Variants in CDH18 observed in about 807,000 individuals in gnomAD.
CDH18 encodes the protein cadherin-18.
Under a neutral mutation model 67.9 loss-of-function variants are expected in CDH18, and 31 were observed. The observed-to-expected ratio is 0.46, with a 90% CI of 0.34 to 0.62. The LOEUF (loss-of-function observed/expected upper bound fraction) is 0.62, where lower values mean the gene tolerates loss of function less well. CDH18 is among the 20% of genes least tolerant of loss of function. The pLI, the probability that CDH18 is intolerant of heterozygous loss-of-function variation, is 0.01. For missense variants in CDH18, 890 were observed against 975.5 expected (o/e 0.91, Z 1.17); for synonymous variants, 362 against 347.2 (o/e 1.04, Z -0.48).
At position 19,678,361 on chromosome 5, in the gene CDH18, C is replaced by A. The variant is rs1303325358; in HGVS notation, c.643+42986G>T. On this transcript the variant is annotated intron_variant, in intron 5 of 12. Coordinates refer to ENST00000382275, the MANE Select transcript of CDH18 (RefSeq NM_004934.5). ...ACCATGCAATTACATGGAAATTAAT[C>A]AACTTACACCTACCTAAAGGACATT... Among the ~76,000 whole-genome samples the A allele has an allele frequency of 3.3e-5, 5 of 151,472 alleles. No individual in the cohort carries two copies. In the East Asian group the frequency reaches 9.7e-4, roughly 29 times the overall value.
chr5:19,500,434 T>G (rs1171585290), intron 11 of CDH18, among the ~76,000 whole-genome samples: 1 of 152,072 alleles, frequency 6.6e-6, no homozygotes, highest in Non-Finnish European at 1.5e-5. Context: ...ATTTAAGAAC[T>G]GAGGCTCAGG....
intron 1 of CDH18, among the ~76,000 whole-genome samples, chr5:20,510,942 G>A (rs1005905467): frequency 6.6e-6 from 1 of 152,156 alleles, no homozygotes; most frequent in East Asian, 1.9e-4. Context: ...CGATAAATAT[G>A]AGTAAAATCC....
intron 5 of CDH18, among the ~76,000 whole-genome samples, chr5:19,701,527 C>T (rs1480515357): frequency 3.9e-5 from 6 of 152,072 alleles, no homozygotes; most frequent in African/African-American, 1.2e-4. Flanking sequence ...AAGTTGACCC[C>T]TTTGGTCATA....
chr5:20,464,695 A>G (rs1007576405), intron 1 of CDH18, among the ~76,000 whole-genome samples: 1 of 152,158 alleles, frequency 6.6e-6, no homozygotes, highest in Non-Finnish European at 1.5e-5. Context: ...ATAGTATTAA[A>G]GTTCCATTCT....
chr5:20,457,139 C>T (rs1194617686), intron 1 of CDH18, among the ~76,000 whole-genome samples: 1 of 152,072 alleles, frequency 6.6e-6, no homozygotes, highest in East Asian at 1.9e-4. Context: ...AAAGTTGGAT[C>T]TCAGAGCAAA....
intron 2 of CDH18, among the ~76,000 whole-genome samples, chr5:20,124,486 A>T (rs4354045): frequency 8.5e-5 from 13 of 152,114 alleles, no homozygotes; most frequent in South Asian, 2.1e-4. Context: ...AATTGCTGTG[A>T]GGATTAAAAT....
chr5:20,103,794 T>G (rs950408862), intron 2 of CDH18, among the ~76,000 whole-genome samples: 1 of 93,064 alleles, frequency 1.1e-5, no homozygotes, highest in Non-Finnish European at 2.1e-5. Flanking sequence ...AATGGAGCTA[T>G]GTACATAGAA....
intron 2 of CDH18, among the ~76,000 whole-genome samples, chr5:20,020,024 C>T (rs556539332): frequency 6.6e-6 from 1 of 152,268 alleles, no homozygotes; most frequent in Admixed American, 6.5e-5. Flanking sequence ...ATCACTCTTG[C>T]TATGTTTTAG....
chr5:20,110,094 T>A (rs1455899430), intron 2 of CDH18, among the ~76,000 whole-genome samples: 1 of 152,206 alleles, frequency 6.6e-6, no homozygotes, highest in African/African-American at 2.4e-5. Flanking sequence ...ACCCTCTACA[T>A]GCCTTTGAAA....
At chr5:20,547,186 T>C (rs1328323108) in intron 1 of CDH18, among the ~76,000 whole-genome samples, 1 of 152,116 alleles carries the variant, frequency 6.6e-6, no homozygotes, top group Non-Finnish European at 1.5e-5. Context: ...TTAAAATAAC[T>C]GCTAAAGGGA....
chr5:20,365,193 A>G (rs1352990211), intron 1 of CDH18, among the ~76,000 whole-genome samples: 1 of 152,124 alleles, frequency 6.6e-6, no homozygotes, highest in African/African-American at 2.4e-5. Context: ...TGGCTTGTAG[A>G]TGGCTGCCTG....
chr5:19,742,421 C>CAT (rs929385510), intron 4 of CDH18, among the ~76,000 whole-genome samples: 31 of 151,934 alleles, frequency 2.0e-4, no homozygotes, highest in Middle Eastern at 3.4e-3. Context: ...CACACACACA[C>CAT]ACACACGGAC....
intron 3 of CDH18, among the ~76,000 whole-genome samples, chr5:19,824,297 T>C (rs530819975): frequency 1.3e-5 from 2 of 152,102 alleles, no homozygotes; most frequent in Non-Finnish European, 2.9e-5. Flanking sequence ...TCGGGACCCA[T>C]CAAGGCAGCA....
At chr5:20,487,443 CT>C (rs1357590537) in intron 1 of CDH18, among the ~76,000 whole-genome samples, 1 of 149,178 alleles carries the variant, frequency 6.7e-6, no homozygotes, top group Non-Finnish European at 1.5e-5. Flanking sequence ...TATAATCGGG[CT>C]ACATCAATAT....
chr5:20,288,026 G>C (rs1388513430), intron 1 of CDH18, among the ~76,000 whole-genome samples: 3 of 151,704 alleles, frequency 2.0e-5, no homozygotes, highest in Admixed American at 1.3e-4. Flanking sequence ...AAACACATCT[G>C]AACCTGCTGT....
At chr5:20,399,171 A>G (rs1745551781) in intron 1 of CDH18, among the ~76,000 whole-genome samples, 1 of 152,250 alleles carries the variant, frequency 6.6e-6, no homozygotes, top group Admixed American at 6.5e-5. Context: ...GAACTAATGC[A>G]AAGATCAGGG....
At chr5:19,759,170 A>G (rs1446085328) in intron 3 of CDH18, among the ~76,000 whole-genome samples, 1 of 152,206 alleles carries the variant, frequency 6.6e-6, no homozygotes, top group Admixed American at 6.5e-5. Context: ...AGCAGCTGCA[A>G]TTGGAGTCAC....
intron 8 of CDH18, among the ~76,000 whole-genome samples, chr5:19,547,390 G>A (rs1471550757): frequency 6.6e-6 from 1 of 152,180 alleles, no homozygotes; most frequent in Non-Finnish European, 1.5e-5. Context: ...AAAGTTGCCT[G>A]CAGCAACTAT....
intron 3 of CDH18, among the ~76,000 whole-genome samples, chr5:19,811,136 AAG>A (rs1198400007): frequency 7.8e-6 from 1 of 128,574 alleles, no homozygotes; most frequent in Non-Finnish European, 1.7e-5. Flanking sequence ...GAAAGAAAGA[AAG>A]AAAGAAAGAA....
Sources: allele counts gnomAD v4.1 joint callset (sites outside exome capture counted in the v4.1 genomes callset), GRCh38; gene constraint gnomAD v4.1.1; transcripts MANE v1.5; gene names NCBI Gene and HGNC (gene_info 2026-07-23, HGNC 2026-07-21).